The following PPP1R12B variants were observed in gnomAD, a reference collection of about 807,000 sequenced individuals.
PPP1R12B encodes the protein protein phosphatase 1 regulatory subunit 12B.
Under a neutral mutation model 126.1 loss-of-function variants are expected in PPP1R12B, and 76 were observed. The ratio of observed to expected loss-of-function variants is 0.60; its 90% CI spans 0.50 to 0.73. The LOEUF (loss-of-function observed/expected upper bound fraction) is 0.73, where lower values mean the gene tolerates loss of function less well. PPP1R12B is among the 30% of genes least tolerant of loss of function. PPP1R12B has a pLI of 0.00. For missense variants in PPP1R12B, 1,052 were observed against 1,205.1 expected (o/e 0.87, Z 1.88); for synonymous variants, 356 against 434.7 (o/e 0.82, Z 2.25).
chr1:202,427,153 C>T lies in PPP1R12B; in HGVS notation c.815C>T (p.Ala272Val). 1 of 1,614,054 alleles carries T rather than the reference C, an allele frequency of 6.2e-7. No individual in the cohort carries two copies. The highest frequency in any genetic ancestry group is 8.5e-7 in the Non-Finnish European group (1 of 1,180,002). ...VKEACSILAE[A>V]LCDMDIRNKL... ...GAGGCTTGCTCCATCCTGGCAGAAG[C>T]ACTTTGTGACATGGATATTCGAAAT... Residue 272 changes from alanine to valine, a missense_variant, in exon 5 of 24, where the codon GCA (alanine) becomes GTA (valine). Ala to Val is a moderately conservative substitution (Grantham distance 64). Transcript: ENST00000608999.
intron 18 of PPP1R12B, among the ~76,000 whole-genome samples, chr1:202,529,294 A>G (rs980689935): frequency 6.6e-6 from 1 of 150,538 alleles, no homozygotes; most frequent in African/African-American, 2.5e-5. Context: ...TCCAGGATCT[A>G]TGTTATTATT....
chr1:202,416,809 A>G lies in PPP1R12B; in HGVS notation c.314A>G (p.Asp105Gly). 1 of 1,613,876 alleles carries G rather than the reference A, an allele frequency of 6.2e-7. No individual in the cohort carries two copies. The highest frequency in any genetic ancestry group is 8.5e-7 in the Non-Finnish European group (1 of 1,179,888). The part of the protein sequence containing the change: ...LHQACIDENL[D>G]MVKFLVENRA... ...CAGGCATGTATTGATGAAAATTTGG[A>G]CATGGTGAAGTTTCTGGTGGAGAAC... The change falls in exon 2 of 24, where the codon GAC becomes GGC. Residue 105 changes from aspartate (D) to glycine (G), a missense_variant. Coordinates refer to ENST00000608999, the MANE Select transcript of PPP1R12B (RefSeq NM_002481.4).
chr1:202,402,656 C>T (rs564733054), intron 1 of PPP1R12B, among the ~76,000 whole-genome samples: 3 of 152,312 alleles, frequency 2.0e-5, no homozygotes, highest in African/African-American at 4.8e-5. Context: ...TGTTTCTGCT[C>T]ATAGCCAGCA....
At chr1:202,412,800 G>A (rs1466796571) in intron 1 of PPP1R12B, among the ~76,000 whole-genome samples, 4 of 152,092 alleles carry the variant, frequency 2.6e-5, no homozygotes, top group Admixed American at 6.5e-5. Flanking sequence ...ACTTAAAAAC[G>A]TTTATTTACA....
chr1:202,452,608 A>G (rs1022510247), intron 13 of PPP1R12B, among the ~76,000 whole-genome samples: 1 of 151,570 alleles, frequency 6.6e-6, no homozygotes, highest in African/African-American at 2.4e-5. Context: ...GAGAGGGAGA[A>G]GGGGGTTTAC....
chr1:202,495,098 G>GTT (rs768986892), intron 15 of PPP1R12B, among the ~76,000 whole-genome samples, 195 bp from the exon 16 acceptor site: 38 of 126,082 alleles, frequency 3.0e-4, no homozygotes, highest in South Asian at 2.2e-3. Flanking sequence ...TAGCAGCTGT[G>GTT]TTTTTTTTTT....
At chr1:202,415,442 A>G (rs1391436398) in intron 1 of PPP1R12B, among the ~76,000 whole-genome samples, 3 of 152,236 alleles carry the variant, frequency 2.0e-5, no homozygotes, top group Non-Finnish European at 4.4e-5. Context: ...CTGAAGTTTT[A>G]GCCTTGTTTT....
rs1434587677 is a variant in PPP1R12B, at chr1:202,581,941, T to C, written c.*1381T>C. ...AGAGGTCATTAGGTCCAGCTTTCTA[T>C]TATTGTGTCACAGGGACCCCTGCTA... On this transcript the variant is annotated 3_prime_UTR_variant, in exon 24 of 24. Coordinates refer to ENST00000608999, the MANE Select transcript of PPP1R12B (RefSeq NM_002481.4). 1.3e-5 allele frequency: 2 copies of C among 152,220 alleles called. No individual in the cohort carries two copies. Among genetic ancestry groups the C allele is most frequent in the East Asian group, 3.8e-4 (2 of 5,204 alleles). 9.4% of individuals were successfully genotyped at this position (152,220 alleles called of 1,614,324 possible).
At chr1:202,449,402 A>T (rs1410019134) in intron 13 of PPP1R12B, among the ~76,000 whole-genome samples, 2 of 151,448 alleles carry the variant, frequency 1.3e-5, no homozygotes, top group African/African-American at 4.9e-5. Flanking sequence ...CAGCCTCCCA[A>T]GTAGCTGGGA....
Position 202,488,513 on chromosome 1 carries a change from T to A in PPP1R12B, c.1851-20T>A. 1.1e-5 allele frequency: 17 copies of A among 1,555,390 alleles called. No individual in the cohort carries two copies. Among genetic ancestry groups the A allele is most frequent in the Non-Finnish European group, 1.5e-5 (17 of 1,132,376 alleles). Reference sequence around the variant, plus strand: ...TGCAGCAAAGATCTTGCTTTTGCTATTACTTTTTTTTCTCTGCAGGTCCTA... The same window carrying A: ...TGCAGCAAAGATCTTGCTTTTGCTAATACTTTTTTTTCTCTGCAGGTCCTA... On this transcript the variant is annotated intron_variant, in intron 13 of 23. Transcript: ENST00000608999.
chr1:202,475,740 G>C (rs1676549136), intron 13 of PPP1R12B, among the ~76,000 whole-genome samples: 1 of 152,078 alleles, frequency 6.6e-6, no homozygotes, highest in Admixed American at 6.5e-5. Context: ...ATGACATCTT[G>C]AATTCATAAA....
At chr1:202,493,695 A>C (rs1437559523) in intron 15 of PPP1R12B, among the ~76,000 whole-genome samples, 1 of 152,250 alleles carries the variant, frequency 6.6e-6, no homozygotes, top group Non-Finnish European at 1.5e-5. Flanking sequence ...TAATCCTCAT[A>C]ACAACTCTCT....
chr1:202,526,766 T>A (rs1403570241), intron 18 of PPP1R12B, among the ~76,000 whole-genome samples: 3 of 152,148 alleles, frequency 2.0e-5, no homozygotes, highest in Non-Finnish European at 4.4e-5. Context: ...GGGTTATAGT[T>A]TTTTGTAATG....
intron 1 of PPP1R12B, among the ~76,000 whole-genome samples, chr1:202,350,918 G>T (rs1429038259): frequency 6.6e-6 from 1 of 152,038 alleles, no homozygotes; most frequent in East Asian, 1.9e-4. Context: ...GCTGTGCCTG[G>T]CCTAGTAATC....
intron 7 of PPP1R12B, 120 bp downstream of exon 7, chr1:202,430,930 C>T: frequency 4.4e-6 from 6 of 1,377,866 alleles, no homozygotes; most frequent in Non-Finnish European, 5.7e-6. Context: ...GATCTATAAA[C>T]TTGTGGGAAA....
intron 15 of PPP1R12B, among the ~76,000 whole-genome samples, chr1:202,494,950 AG>A (rs1679354570): frequency 6.6e-6 from 1 of 152,140 alleles, no homozygotes; most frequent in Admixed American, 6.5e-5. Flanking sequence ...CATCTTAAAA[AG>A]GCCATCATTC....
Position 202,513,808 on chromosome 1 carries a change from C to A in PPP1R12B, c.2490+16986C>A, listed in dbSNP as rs971905992. Among the ~76,000 whole-genome samples the A allele has an allele frequency of 1.8e-4, 27 of 152,068 alleles. 1 individual carries two copies. Among genetic ancestry groups the A allele is most frequent in the Non-Finnish European group, 8.8e-5 (6 of 68,028 alleles). The stretch of plus-strand genomic sequence containing the variant: ...ATGATTGTGGGGTGCTAAGGAGGGC[C>A]ACTGCTATGAAAAGAGTACACAGTT... On this transcript the variant is annotated intron_variant, in intron 18 of 23. Transcript: ENST00000608999.
At position 202,351,923 on chromosome 1, in the gene PPP1R12B, G is replaced by A. The variant is rs149979656; in HGVS notation, c.291+2781G>A. Among the ~76,000 whole-genome samples the A allele has an allele frequency of 4.6e-3, 701 of 152,288 alleles. 6 individuals are homozygous for A. The highest frequency in any genetic ancestry group is 0.016 in the African/African-American group (674 of 41,562). ...GAGACCTTCTTTCTTGGCAGCCTTT[G>A]CTGAGACCACGAGGTGCTTGAGTCA... On this transcript the variant is annotated intron_variant, in intron 1 of 23. Transcript: ENST00000608999.
chr1:202,403,505 A>G (rs78975847), intron 1 of PPP1R12B, among the ~76,000 whole-genome samples: 2,676 of 152,314 alleles, frequency 0.018, 39 homozygotes, highest in Non-Finnish European at 0.026. Context: ...TGTAACCTCA[A>G]TTCCCCTGTT....
Sources: gnomAD v4.1 joint callset for allele counts (sites outside exome capture counted in the v4.1 genomes callset) on GRCh38, gnomAD v4.1.1 for gene constraint, MANE v1.5 for transcripts, NCBI Gene and HGNC (gene_info 2026-07-23, HGNC 2026-07-21) for gene names.